The following DNPH1 variants were observed in gnomAD, a reference collection of about 807,000 sequenced individuals.
DNPH1 encodes the protein 2'-deoxynucleoside 5'-phosphate N-hydrolase 1.
A neutral mutation model predicts 15.7 loss-of-function variants in DNPH1; 18 were observed. That is an observed-to-expected ratio of 1.15 (90% CI 0.79 to 1.70). The LOEUF (loss-of-function observed/expected upper bound fraction) is 1.70. Among genes scored for constraint, DNPH1 ranks in the 40% most tolerant of loss-of-function variants. The probability of loss-of-function intolerance (pLI) is 0.00; values close to 1 mark genes in which losing one functional copy is unlikely to be tolerated. For synonymous variants in DNPH1, 114 were observed against 107.9 expected (o/e 1.06, Z -0.35); for missense variants, 262 against 255.2 (o/e 1.03, Z -0.18).
At position 43,225,642 on chromosome 6, in the gene DNPH1, T is replaced by C. The variant is rs576146746; in HGVS notation, c.*91A>G. 44 of 1,507,902 alleles carry C rather than the reference T, an allele frequency of 2.9e-5. 1 individual carries two copies. In the South Asian group the frequency reaches 5.1e-4, roughly 17 times the overall value. 93.4% of individuals were successfully genotyped at this position (1,507,902 alleles called of 1,614,324 possible). On this transcript the variant is annotated 3_prime_UTR_variant, in exon 4 of 4. Coordinates refer to ENST00000230431, the MANE Select transcript of DNPH1 (RefSeq NM_006443.3). ...CAAGACAGAAAGTTAGGATTTTAAC[T>C]GTACCTTTTAATTTGCTCCTGGGGC...
At chr6:43,229,238 G>A in intron 1 of DNPH1, 23 bp downstream of exon 1, 1 of 1,318,936 alleles carries the variant, frequency 7.6e-7, no homozygotes, top group Non-Finnish European at 9.6e-7. Context: ...GCGTCCCCGC[G>A]TCCCGCGGCC....
chr6:43,229,444 T>G lies in DNPH1; in HGVS notation c.13A>C (p.Met5Leu). The G allele has an allele frequency of 7.5e-7, 1 of 1,337,766 alleles. No homozygotes were observed. Among genetic ancestry groups the G allele is most frequent in the Non-Finnish European group, 9.6e-7 (1 of 1,043,014 alleles). The allele number at this position is 1,337,766 out of a possible 1,614,324, so 82.9% of individuals were successfully genotyped here. Reference sequence around the variant, plus strand: ...CAGCTCTCGCTGCGCCCCGGCACCATGGCAGCAGCCATTCCCCAGCCGCCC... The same window carrying G: ...CAGCTCTCGCTGCGCCCCGGCACCAGGGCAGCAGCCATTCCCCAGCCGCCC... MAAA[M>L]VPGRSESWER... Residue 5 changes from methionine (M) to leucine (L), a missense_variant, in exon 1 of 4, where the codon ATG becomes CTG. Coordinates refer to ENST00000230431, the MANE Select transcript of DNPH1 (RefSeq NM_006443.3).
In DNPH1 at chr6:43,229,334, C is replaced by T. The variant is rs1306981798; in HGVS notation, c.123G>A (p.Arg41=). 6.7e-7 allele frequency: 1 copy of T among 1,493,236 alleles called. No homozygotes were observed. The highest frequency in any genetic ancestry group is 2.3e-5 in the Admixed American group (1 of 44,270). 92.5% of individuals were successfully genotyped at this position (1,493,236 alleles called of 1,614,324 possible). A position where few individuals can be genotyped will look rare whatever the true frequency, so the allele number is the denominator to read the frequency against. ...CGAATCGCCGCAGCCGAGACACGAT[C>T]CGCTCGTACAGCGTCCTGTCCTCGC... ...GGREDRTLYE[R]IVSRLRRFGT... is the part of the protein sequence containing the mutation. The change falls in exon 1 of 4, where the codon CGG becomes CGA. Residue 41 remains arginine (R), a synonymous_variant. Coordinates refer to ENST00000230431, the MANE Select transcript of DNPH1 (RefSeq NM_006443.3).
At chr6:43,227,025 T>C (rs191217666) in intron 1 of DNPH1, among the ~76,000 whole-genome samples, 1 of 151,998 alleles carries the variant, frequency 6.6e-6, no homozygotes. Context: ...GAGAATCACT[T>C]GAACCCAGGA....
chr6:43,229,331 G>A lies in DNPH1; in HGVS notation c.126C>T (p.Ile42=), dbSNP rs1271194456. 5 of 1,492,124 alleles carry A rather than the reference G, an allele frequency of 3.4e-6. No individual in the cohort carries two copies. Among genetic ancestry groups the A allele is most frequent in the Non-Finnish European group, 2.7e-6 (3 of 1,124,004 alleles). The allele number at this position is 1,492,124 out of a possible 1,614,324, so 92.4% of individuals were successfully genotyped here. Residue 42 remains isoleucine (I), a synonymous_variant, in exon 1 of 4, where the codon ATC becomes ATT. Coordinates refer to ENST00000230431, the MANE Select transcript of DNPH1 (RefSeq NM_006443.3). Reference sequence around the variant, plus strand: ...TCCCGAATCGCCGCAGCCGAGACACGATCCGCTCGTACAGCGTCCTGTCCT... The same window carrying A: ...TCCCGAATCGCCGCAGCCGAGACACAATCCGCTCGTACAGCGTCCTGTCCT... ...GREDRTLYER[I]VSRLRRFGTV...
intron 1 of DNPH1, among the ~76,000 whole-genome samples, chr6:43,227,977 C>T (rs1467806416): frequency 6.6e-6 from 1 of 152,150 alleles, no homozygotes; most frequent in Non-Finnish European, 1.5e-5. Context: ...GTAGTCCCAG[C>T]TACTTGGGAG....
intron 1 of DNPH1, among the ~76,000 whole-genome samples, chr6:43,228,227 C>T (rs193073637): frequency 3.8e-4 from 58 of 152,082 alleles, no homozygotes; most frequent in African/African-American, 1.0e-3. Context: ...AGGCCTGAGG[C>T]GGGAGGATCA....
rs1434818490 is a variant in DNPH1, at chr6:43,225,799, C to A, written c.459G>T (p.Leu153=). ...WDYEEGEVEA[L]LDRYFEADPP... Reference sequence around the variant, plus strand: ...GATCAGCCTCGAAGTATCGATCCAGCAGGGCCTCCACCTCTCCCTCCTCAT... The same window carrying A: ...GATCAGCCTCGAAGTATCGATCCAGAAGGGCCTCCACCTCTCCCTCCTCAT... The change falls in exon 4 of 4, where the codon CTG becomes CTT. Residue 153 remains leucine, a synonymous_variant. Transcript: ENST00000230431. The A allele has an allele frequency of 2.5e-6, 4 of 1,614,204 alleles. No homozygotes were observed. Among genetic ancestry groups the A allele is most frequent in the South Asian group, 1.1e-5 (1 of 91,088 alleles).
In DNPH1 at chr6:43,228,385, G is replaced by A. The variant is rs185271177; in HGVS notation, c.196+876C>T. ...TGGAGGATCATGAGTTTAGGAAGCC[G>A]AGGCTGCAGTGAGCTATGATCGCAC... On this transcript the variant is annotated intron_variant, in intron 1 of 3. Transcript: ENST00000230431. Among the ~76,000 whole-genome samples the A allele has an allele frequency of 4.7e-4, 72 of 152,218 alleles. No individual in the cohort carries two copies. The East Asian group carries it at 0.013, about 27-fold the overall frequency.
Position 43,227,420 on chromosome 6 carries a change from A to T in DNPH1, c.197-1025T>A, listed in dbSNP as rs568377968. 4.0e-5 allele frequency among the ~76,000 whole-genome samples: 6 copies of T among 149,380 alleles called. No individual in the cohort carries two copies. The East Asian group carries it at 9.8e-4, about 24-fold the overall frequency. On this transcript the variant is annotated intron_variant, in intron 1 of 3. Coordinates refer to ENST00000230431, the MANE Select transcript of DNPH1 (RefSeq NM_006443.3). ...ACAGAGCAAGACTCTGTCTTGGGGG[A>T]AAAAAAAAAGTACATATTCGAAGGC...
In DNPH1 at chr6:43,225,848, C is replaced by T. The variant is rs150894496; in HGVS notation, c.410G>A (p.Gly137Asp). ...LSAMIRGAAD[G>D]SRFQVWDYEE... is the part of the protein sequence containing the mutation. ...ATAGTCCCACACCTGGAACCGAGAG[C>T]CATCTGCTGCTCCCCGGATCATGGC... is the stretch of plus-strand genomic sequence containing the variant. The change falls in exon 4 of 4, where the codon GGC becomes GAC. Residue 137 changes from glycine (G) to aspartate (D), a missense_variant. By Grantham distance (94) the Gly-to-Asp change is moderately conservative (BLOSUM62 -1). Coordinates refer to ENST00000230431, the MANE Select transcript of DNPH1 (RefSeq NM_006443.3). 8 of 1,614,072 alleles carry T rather than the reference C, an allele frequency of 5.0e-6. No individual in the cohort carries two copies. In the African/African-American group the frequency reaches 9.3e-5, roughly 19 times the overall value.
Position 43,226,176 on chromosome 6 carries a change from T to TG in DNPH1, c.266-34dup. The stretch of plus-strand genomic sequence containing the variant: ...GAAAGATGAGAGGAAGCCTCAGCAT[T>TG]GGGGGCACTTGAGGTTCATAAGGAA... On this transcript the variant is annotated intron_variant, in intron 2 of 3. Coordinates refer to ENST00000230431, the MANE Select transcript of DNPH1 (RefSeq NM_006443.3). This position sits in a 1 kb window ranked among gnomAD's most constrained non-coding sequence, Gnocchi z 4.1. 6.2e-7 allele frequency: 1 copy of TG among 1,611,176 alleles called. No homozygotes were observed. Among genetic ancestry groups the TG allele is most frequent in the Non-Finnish European group, 8.5e-7 (1 of 1,179,456 alleles).
intron 1 of DNPH1, 116 bp downstream of exon 1, chr6:43,229,145 G>T: frequency 1.8e-6 from 2 of 1,089,726 alleles, no homozygotes; most frequent in Non-Finnish European, 2.4e-6. Flanking sequence ...AGGAGGGCGG[G>T]CTCCGGGCGC....
At position 43,226,096 on chromosome 6, in the gene DNPH1, G is replaced by T. The variant is rs1776729528; in HGVS notation, c.313C>A (p.Leu105Met). The T allele has an allele frequency of 6.2e-7, 1 of 1,613,580 alleles. No individual in the cohort carries two copies. ...TTGTTAAAGGCCACGGCCCGGCCCA[G>T]CTCATAGCCTACACCCAAGGATGGC... ...TQPSLGVGYE[L>M]GRAVAFNKRI... Residue 105 changes from leucine to methionine, a missense_variant, in exon 3 of 4, where the codon CTG becomes ATG. By Grantham distance (15) the Leu-to-Met change is conservative (BLOSUM62 2). Transcript: ENST00000230431. The surrounding 1 kb of genome is among the most constrained non-coding windows in gnomAD (Gnocchi z 4.1).
chr6:43,229,359 C>A lies in DNPH1; in HGVS notation c.98G>T (p.Arg33Leu). The change falls in exon 1 of 4, where the codon CGC (arginine) becomes CTC (leucine). Residue 33 changes from arginine (R) to leucine (L), a missense_variant. Coordinates refer to ENST00000230431, the MANE Select transcript of DNPH1 (RefSeq NM_006443.3). ...CCGCTCGTACAGCGTCCTGTCCTCG[C>A]GTCCGCCGCGAATGCTCCCGCAGAA... ...LYFCGSIRGG[R>L]EDRTLYERIV... 6.7e-7 allele frequency: 1 copy of A among 1,486,514 alleles called. No individual in the cohort carries two copies. Among genetic ancestry groups the A allele is most frequent in the Non-Finnish European group, 8.9e-7 (1 of 1,119,878 alleles). The allele number at this position is 1,486,514 out of a possible 1,614,324, so 92.1% of individuals were successfully genotyped here.
intron 1 of DNPH1, chr6:43,228,918 T>C (rs773894786): frequency 1.4e-4 from 27 of 187,756 alleles, no homozygotes; most frequent in South Asian, 4.7e-4. Context: ...GCGGGTGAGG[T>C]GGGAACTGAG....
intron 3 of DNPH1, 42 bp from the exon 4 acceptor site, chr6:43,225,923 C>G (rs1409873609): frequency 1.9e-6 from 3 of 1,613,964 alleles, no homozygotes; most frequent in Non-Finnish European, 2.5e-6. Flanking sequence ...CCCATCCACA[C>G]CCTCACAGCT....
In DNPH1 at chr6:43,225,733, T is replaced by G. The variant is rs1043231201; in HGVS notation, c.525A>C (p.Ter175CysextTer22). Residue 175 changes from the stop codon to cysteine (C), a stop_lost, in exon 4 of 4, where the codon TGA (stop) becomes TGC (cysteine). Coordinates refer to ENST00000230431, the MANE Select transcript of DNPH1 (RefSeq NM_006443.3). Reference protein sequence around the residue: ...QVAASPDPTT* With the variant: ...QVAASPDPTTC The stretch of plus-strand genomic sequence containing the variant: ...AAGAATTTAAGAAAGTGAGATTAAG[T>G]CAAGTGGTTGGGTCAGGGGAGGCAG... 1 of 1,613,998 alleles carries G rather than the reference T, an allele frequency of 6.2e-7. No individual in the cohort carries two copies. The highest frequency in any genetic ancestry group is 8.5e-7 in the Non-Finnish European group (1 of 1,180,010).
intron 1 of DNPH1, chr6:43,228,991 C>G (rs532986568): frequency 5.7e-6 from 2 of 350,292 alleles, no homozygotes; most frequent in South Asian, 4.5e-5. Flanking sequence ...CTGAAAGCAG[C>G]TGAAGACAGA....
Sources: allele counts gnomAD v4.1 joint callset (sites outside exome capture counted in the v4.1 genomes callset), GRCh38; gene constraint gnomAD v4.1.1; non-coding constraint Gnocchi (gnomAD v3.1); transcripts MANE v1.5; gene names NCBI Gene and HGNC (gene_info 2026-07-23, HGNC 2026-07-21).